The following CADM1 variants were observed in gnomAD, a reference collection of about 807,000 sequenced individuals.
The protein encoded by CADM1 is cell adhesion molecule 1.
CADM1 carries 15 observed loss-of-function variants against 53.1 expected under a neutral mutation model. That is an observed-to-expected ratio of 0.28 (90% CI 0.19 to 0.44). The LOEUF (loss-of-function observed/expected upper bound fraction) is 0.44. Among genes scored for constraint, CADM1 ranks in the 20% least tolerant of loss-of-function variants. CADM1 has a pLI of 1.00. For synonymous variants in CADM1, 281 were observed against 243.0 expected, an observed-to-expected ratio of 1.16 and a Z score of -1.45; for missense variants, 434 against 611.3, an observed-to-expected ratio of 0.71 and a Z score of 3.06.
intron 4 of CADM1, among the ~76,000 whole-genome samples, chr11:115,230,046 T>C (rs1462598493): frequency 6.6e-6 from 1 of 152,214 alleles, no homozygotes; most frequent in South Asian, 2.1e-4. Context: ...CCATTAACTT[T>C]CTTTTAATGT....
At chr11:115,275,779 G>T (rs114956586) in intron 1 of CADM1, among the ~76,000 whole-genome samples, 1 of 152,146 alleles carries the variant, frequency 6.6e-6, no homozygotes, top group East Asian at 1.9e-4. Context: ...ATAAGAATGC[G>T]TTAGAGGATA....
At chr11:115,383,025 T>C (rs908389982) in intron 1 of CADM1, among the ~76,000 whole-genome samples, 1 of 152,236 alleles carries the variant, frequency 6.6e-6, no homozygotes, top group African/African-American at 2.4e-5. Flanking sequence ...CTTAAAACTC[T>C]GACATATCTT....
chr11:115,343,761 T>C (rs1945507390), intron 1 of CADM1, among the ~76,000 whole-genome samples: 1 of 151,404 alleles, frequency 6.6e-6, no homozygotes, highest in South Asian at 2.1e-4. Context: ...GAAAAAGCAC[T>C]TAGAATGAAA....
At chr11:115,192,017 G>C (rs1163253419) in intron 9 of CADM1, among the ~76,000 whole-genome samples, 3 of 152,210 alleles carry the variant, frequency 2.0e-5, no homozygotes, top group Non-Finnish European at 4.4e-5. Flanking sequence ...TTCTCAGTGA[G>C]TATTTGTTGA....
At chr11:115,198,974 G>T (rs1369486455) in intron 8 of CADM1, among the ~76,000 whole-genome samples, 1 of 152,192 alleles carries the variant, frequency 6.6e-6, no homozygotes, top group East Asian at 1.9e-4. Flanking sequence ...TCAGATGCCT[G>T]TAGATGAATA....
chr11:115,439,869 T>C (rs1948270088), intron 1 of CADM1, among the ~76,000 whole-genome samples: 1 of 152,220 alleles, frequency 6.6e-6, no homozygotes, highest in Non-Finnish European at 1.5e-5. Flanking sequence ...ATTTCTAAAG[T>C]AAATCAGACT....
intron 5 of CADM1, among the ~76,000 whole-genome samples, chr11:115,221,603 T>C (rs1194831382): frequency 4.6e-5 from 7 of 152,230 alleles, no homozygotes; most frequent in Non-Finnish European, 1.0e-4. Flanking sequence ...AGTCTGACCT[T>C]GCACCACATT....
chr11:115,227,263 C>T (rs948257841), intron 5 of CADM1, among the ~76,000 whole-genome samples: 4 of 152,136 alleles, frequency 2.6e-5, no homozygotes, highest in Non-Finnish European at 5.9e-5. Flanking sequence ...AGCCTTATTC[C>T]TTGTCTTAGA....
At chr11:115,388,797 A>C (rs921406497) in intron 1 of CADM1, among the ~76,000 whole-genome samples, 9 of 152,116 alleles carry the variant, frequency 5.9e-5, no homozygotes, top group Admixed American at 2.0e-4. Flanking sequence ...GTTCCCCATT[A>C]AAGTAGATTG....
At chr11:115,400,206 A>T (rs1406255822) in intron 1 of CADM1, among the ~76,000 whole-genome samples, 1 of 152,108 alleles carries the variant, frequency 6.6e-6, no homozygotes, top group African/African-American at 2.4e-5. Context: ...AGAAAACCTA[A>T]AAAAGAAAAA....
intron 1 of CADM1, among the ~76,000 whole-genome samples, chr11:115,314,653 G>A (rs547198102): frequency 6.6e-6 from 1 of 152,248 alleles, no homozygotes; most frequent in Non-Finnish European, 1.5e-5. Context: ...AGTAAACAGA[G>A]TGCCCATAAT....
intron 1 of CADM1, among the ~76,000 whole-genome samples, chr11:115,374,429 T>C (rs1385882429): frequency 6.6e-6 from 1 of 152,188 alleles, no homozygotes; most frequent in East Asian, 1.9e-4. Context: ...GAATCAGTCA[T>C]TTGTCTGGCC....
intron 1 of CADM1, among the ~76,000 whole-genome samples, chr11:115,300,788 C>A (rs938274601): frequency 1.3e-5 from 2 of 152,074 alleles, no homozygotes; most frequent in Non-Finnish European, 2.9e-5. Context: ...TGATTATGAT[C>A]ATCCGGAAGA....
At chr11:115,466,170 G>T (rs2135382600) in intron 1 of CADM1, among the ~76,000 whole-genome samples, 1 of 152,230 alleles carries the variant, frequency 6.6e-6, no homozygotes, top group East Asian at 1.9e-4. Context: ...AAACTGCAAT[G>T]ACTTGTAGCA....
chr11:115,313,009 T>C (rs1383180797), intron 1 of CADM1, among the ~76,000 whole-genome samples: 1 of 151,766 alleles, frequency 6.6e-6, no homozygotes, highest in Non-Finnish European at 1.5e-5. Context: ...TTTAGATCCT[T>C]GGAGAAAAAA....
At chr11:115,440,379 T>C (rs1035516725) in intron 1 of CADM1, among the ~76,000 whole-genome samples, 3 of 152,234 alleles carry the variant, frequency 2.0e-5, no homozygotes, top group Admixed American at 6.5e-5. Context: ...GAACCATTAT[T>C]TCCCAATCTC....
At chr11:115,247,432 T>C (rs879592602) in intron 1 of CADM1, among the ~76,000 whole-genome samples, 1 of 152,186 alleles carries the variant, frequency 6.6e-6, no homozygotes, top group Non-Finnish European at 1.5e-5. Context: ...AAAAGCAGTA[T>C]TAAGCAAAAG....
intron 1 of CADM1, among the ~76,000 whole-genome samples, chr11:115,360,962 T>C (rs913497099): frequency 1.3e-5 from 2 of 152,226 alleles, no homozygotes; most frequent in African/African-American, 4.8e-5. Context: ...ACTGACTACA[T>C]AGGTACTAGG....
chr11:115,398,407 G>A (rs1947057036), intron 1 of CADM1, among the ~76,000 whole-genome samples: 1 of 152,150 alleles, frequency 6.6e-6, no homozygotes, highest in African/African-American at 2.4e-5. Context: ...TGAGCCATAT[G>A]AACTAAAATG....
Sources: gnomAD v4.1 joint callset for allele counts (sites outside exome capture counted in the v4.1 genomes callset) on GRCh38, gnomAD v4.1.1 for gene constraint, MANE v1.5 for transcripts, NCBI Gene and HGNC (gene_info 2026-07-23, HGNC 2026-07-21) for gene names.